Variants in ZNF503 observed in about 807,000 individuals in gnomAD.
ZNF503 encodes the protein NocA-like zinc finger 2.
Under a neutral mutation model 34.4 loss-of-function variants are expected in ZNF503, and 15 were observed. That is an observed-to-expected ratio of 0.44 (90% CI 0.29 to 0.67). The LOEUF (loss-of-function observed/expected upper bound fraction) is 0.67, where lower values mean the gene tolerates loss of function less well. Ranked by LOEUF, ZNF503 falls within the 30% of genes least tolerant of loss-of-function variation. The pLI is 0.13. For synonymous variants in ZNF503, 580 were observed against 456.8 expected (o/e 1.27, Z -3.44); for missense variants, 1,007 against 926.8 (o/e 1.09, Z -1.12).
At chr10:75,343,187 A>T in the ZNF503 span, 1 of 152,252 alleles carries the variant, frequency 6.6e-6, no homozygotes, top group African/African-American at 2.4e-5. Flanking sequence ...GTATCCTGTT[A>T]TCTGTTGCTG....
chr10:75,369,428 A>G, the ZNF503 span, among the ~76,000 whole-genome samples: 1 of 152,028 alleles, frequency 6.6e-6, no homozygotes, highest in Non-Finnish European at 1.5e-5. Flanking sequence ...TTCTCATGAG[A>G]TCTGATGGTT....
the ZNF503 span, among the ~76,000 whole-genome samples, chr10:75,306,811 G>A: frequency 1.3e-5 from 2 of 152,104 alleles, no homozygotes; most frequent in Non-Finnish European, 2.9e-5. Flanking sequence ...GATCTTAGGT[G>A]TTATTATTGT....
the ZNF503 span, among the ~76,000 whole-genome samples, chr10:75,292,096 T>C: frequency 6.6e-6 from 1 of 152,330 alleles, no homozygotes; most frequent in East Asian, 1.9e-4. Context: ...CTATTCAGAC[T>C]GACTCCCTGG....
the ZNF503 span, among the ~76,000 whole-genome samples, chr10:75,329,381 T>TC: frequency 1.5e-5 from 2 of 129,110 alleles, no homozygotes; most frequent in African/African-American, 7.6e-5. Context: ...CTTCTTTCTT[T>TC]CTTCCTTCCT....
At chr10:75,353,631 T>C in the ZNF503 span, among the ~76,000 whole-genome samples, 1 of 152,112 alleles carries the variant, frequency 6.6e-6, no homozygotes, top group African/African-American at 2.4e-5. Context: ...TTGCAGTTTT[T>C]CTGAAACTGT....
the ZNF503 span, among the ~76,000 whole-genome samples, chr10:75,375,677 C>T: frequency 1.6e-3 from 243 of 152,104 alleles, no homozygotes; most frequent in African/African-American, 5.5e-3. Context: ...CCACCACACC[C>T]GGCTAATTTT....
At chr10:75,378,858 A>C in the ZNF503 span, among the ~76,000 whole-genome samples, 4 of 152,202 alleles carry the variant, frequency 2.6e-5, no homozygotes, top group East Asian at 7.8e-4. Flanking sequence ...GGGGCAATTT[A>C]TTCTCTTTCT....
chr10:75,345,839 C>T, the ZNF503 span, among the ~76,000 whole-genome samples: 3 of 152,140 alleles, frequency 2.0e-5, no homozygotes, highest in South Asian at 6.2e-4. Flanking sequence ...GCTGTGGGAA[C>T]AATGGCTGCA....
At chr10:75,337,391 G>A in the ZNF503 span, among the ~76,000 whole-genome samples, 870 of 151,900 alleles carry the variant, frequency 5.7e-3, 8 homozygotes, top group African/African-American at 0.02. Context: ...TTGGGAGGTC[G>A]AGGTGGGCGG....
At chr10:75,295,031 G>A in the ZNF503 span, among the ~76,000 whole-genome samples, 1 of 152,104 alleles carries the variant, frequency 6.6e-6, no homozygotes, top group Non-Finnish European at 1.5e-5. The surrounding 1 kb of genome is among the most constrained non-coding windows in gnomAD (Gnocchi z 4.0). Context: ...ATGACGCTCC[G>A]GCAAATGCTC....
chr10:75,289,714 T>C, the ZNF503 span, among the ~76,000 whole-genome samples: 1 of 152,096 alleles, frequency 6.6e-6, no homozygotes, highest in Non-Finnish European at 1.5e-5. Context: ...GCCTCCCAAG[T>C]AGCTGGGACT....
chr10:75,323,936 T>C, the ZNF503 span, among the ~76,000 whole-genome samples: 1 of 140,106 alleles, frequency 7.1e-6, no homozygotes, highest in Admixed American at 7.9e-5. Context: ...TGCCTCAGCC[T>C]GCAAGATTGC....
At chr10:75,323,916 T>C in the ZNF503 span, among the ~76,000 whole-genome samples, 2 of 149,050 alleles carry the variant, frequency 1.3e-5, no homozygotes, top group African/African-American at 5.0e-5. Context: ...GCAGGAGAAT[T>C]GCTTAAACCT....
chr10:75,373,740 C>G, the ZNF503 span, among the ~76,000 whole-genome samples: 1 of 152,194 alleles, frequency 6.6e-6, no homozygotes, highest in East Asian at 1.9e-4. Context: ...GAGGAATTTC[C>G]TATCTCATAG....
the ZNF503 span, among the ~76,000 whole-genome samples, chr10:75,321,345 C>A: frequency 6.6e-6 from 1 of 151,938 alleles, no homozygotes; most frequent in African/African-American, 2.4e-5. Flanking sequence ...TGGACTAATA[C>A]GGAAAATTGG....
the ZNF503 span, among the ~76,000 whole-genome samples, chr10:75,352,339 A>ATCTC: frequency 8.6e-6 from 1 of 115,652 alleles, no homozygotes; most frequent in Admixed American, 8.2e-5. Context: ...ATAGTTCCTA[A>ATCTC]CCCTGGCCTC....
the ZNF503 span, among the ~76,000 whole-genome samples, chr10:75,324,886 C>T: frequency 6.6e-6 from 1 of 152,266 alleles, no homozygotes; most frequent in East Asian, 1.9e-4. Context: ...TTTCACTTAG[C>T]ATAATATTTT....
At chr10:75,376,547 G>C in the ZNF503 span, among the ~76,000 whole-genome samples, 1 of 152,160 alleles carries the variant, frequency 6.6e-6, no homozygotes, top group Non-Finnish European at 1.5e-5. Context: ...AGGAGGCTGA[G>C]GCATGAGAAT....
rs1024120052 is a variant in ZNF503, at chr10:75,398,562, G to A, written c.*187C>T. The A allele has an allele frequency of 3.0e-5, 13 of 432,546 alleles. 1 individual carries two copies. Among genetic ancestry groups the A allele is most frequent in the Admixed American group, 1.3e-4 (3 of 22,742 alleles). The allele number at this position is 432,546 out of a possible 1,614,324, so 26.8% of individuals were successfully genotyped here. A position where few individuals can be genotyped will look rare whatever the true frequency, so the allele number is the denominator to read the frequency against. On this transcript the variant is annotated 3_prime_UTR_variant, in exon 2 of 2. Transcript: ENST00000372524. Reference sequence around the variant, plus strand: ...GGTGGGGAGGTGAAAGTGGGGAGAAGGGGAGTGTCCCACCGGGTCTCGGTC... The same window carrying A: ...GGTGGGGAGGTGAAAGTGGGGAGAAAGGGAGTGTCCCACCGGGTCTCGGTC...
Sources: gnomAD v4.1 joint callset for allele counts (sites outside exome capture counted in the v4.1 genomes callset) on GRCh38, gnomAD v4.1.1 for gene constraint, Gnocchi (gnomAD v3.1) non-coding constraint, MANE v1.5 for transcripts, NCBI Gene and HGNC (gene_info 2026-07-23, HGNC 2026-07-21) for gene names.